BBS4: variants seen among roughly 807,000 people sequenced by gnomAD.
The protein encoded by BBS4 is BBSome complex member BBS4.
A neutral mutation model predicts 71.4 loss-of-function variants in BBS4; 58 were observed. The ratio of observed to expected loss-of-function variants is 0.81; its 90% CI spans 0.66 to 1.01. The LOEUF (loss-of-function observed/expected upper bound fraction) is 1.01. Among genes scored for constraint, BBS4 ranks in the 50% least tolerant of loss-of-function variants. BBS4 has a pLI of 0.00. For missense variants in BBS4, 660 were observed against 607.9 expected (o/e 1.09, Z -0.90); for synonymous variants, 228 against 216.8 (o/e 1.05, Z -0.46).
chr15:72,718,782 A>C (rs553166776), intron 6 of BBS4, among the ~76,000 whole-genome samples: 2 of 152,322 alleles, frequency 1.3e-5, no homozygotes, highest in Admixed American at 6.5e-5. Context: ...ATAGGAAATG[A>C]AGGAAGAAGA....
At chr15:72,691,898 G>A (rs1418705354) in intron 1 of BBS4, among the ~76,000 whole-genome samples, 5 of 150,818 alleles carry the variant, frequency 3.3e-5, no homozygotes, top group African/African-American at 1.2e-4. Flanking sequence ...AGGAGGCGGA[G>A]GTTGCAGTGA....
intron 6 of BBS4, chr15:72,717,166 G>C (rs1002352219): frequency 3.1e-6 from 1 of 323,242 alleles, no homozygotes; most frequent in Admixed American, 4.7e-5. Context: ...GCATCTAGTT[G>C]TGTTTCATGT....
chr15:72,722,141 C>A (rs1294311185), intron 6 of BBS4, among the ~76,000 whole-genome samples: 4 of 152,144 alleles, frequency 2.6e-5, no homozygotes, highest in African/African-American at 9.7e-5. Context: ...GTCTGTGTTC[C>A]AATGAATCTG....
rs895430414 is a variant in BBS4 at position 72,738,232 on chromosome 15, C to T, written c.*645C>T. 2 of 453,794 alleles carry T rather than the reference C, an allele frequency of 4.4e-6. No individual in the cohort carries two copies. The highest frequency in any genetic ancestry group is 2.4e-5 in the Admixed American group (1 of 42,500). The allele number at this position is 453,794 out of a possible 1,614,324, so 28.1% of individuals were successfully genotyped here. A position where few individuals can be genotyped will look rare whatever the true frequency, so the allele number is the denominator to read the frequency against. On this transcript the variant is annotated 3_prime_UTR_variant, in exon 16 of 16. Transcript: ENST00000268057. ...GGTCAGTCTAGAAGCTAGATCCTAT[C>T]AGGATGAGGAGCAGCAGCCCAGGGC... is the stretch of plus-strand genomic sequence containing the variant.
At position 72,727,979 on chromosome 15, in the gene BBS4, A is replaced by G; in HGVS notation, c.627A>G (p.Gly209=). Residue 209 remains glycine, a synonymous_variant, in exon 9 of 16, where the codon GGA becomes GGG. Transcript: ENST00000268057. The part of the protein sequence containing the change: ...PENTELLTTL[G]LLYLQLGIYQ... The stretch of plus-strand genomic sequence containing the variant: ...ATACAGAGCTTCTTACAACTTTAGG[A>G]TTACTCTACTTACAGGTAATGAAAA... The G allele has an allele frequency of 6.2e-7, 1 of 1,612,350 alleles. No homozygotes were observed. Among genetic ancestry groups the G allele is most frequent in the Non-Finnish European group, 8.5e-7 (1 of 1,178,450 alleles).
chr15:72,716,357 TTCTC>T (rs1170752992), intron 5 of BBS4, among the ~76,000 whole-genome samples: 3 of 152,234 alleles, frequency 2.0e-5, no homozygotes, highest in East Asian at 3.8e-4. Context: ...TTTTCCCTGT[TTCTC>T]TCTAAACTCA....
Position 72,686,257 on chromosome 15 carries a change from C to T in BBS4, c.24+6C>T, listed in dbSNP as rs1427489194. The T allele has an allele frequency of 2.4e-5, 38 of 1,564,710 alleles. No individual in the cohort carries two copies. In the Admixed American group the frequency reaches 4.5e-4, roughly 19 times the overall value. ...CTGAGGAGAGAGTCGCGACGGTGAG[C>T]GCCGAGATTCTCTTTAGTTGCCCGG... On this transcript the variant is annotated splice_donor_region_variant and intron_variant, in intron 1 of 15. Coordinates refer to ENST00000268057, the MANE Select transcript of BBS4 (RefSeq NM_033028.5).
intron 4 of BBS4, among the ~76,000 whole-genome samples, chr15:72,714,230 T>TC (rs2065428615): frequency 6.9e-6 from 1 of 145,588 alleles, no homozygotes; most frequent in African/African-American, 2.5e-5. Flanking sequence ...CTTTTTTTTT[T>TC]TTTTTTTTTT....
intron 3 of BBS4, among the ~76,000 whole-genome samples, chr15:72,710,373 T>A (rs1376378681): frequency 1.3e-5 from 2 of 151,824 alleles, no homozygotes; most frequent in Non-Finnish European, 2.9e-5. Context: ...GCTAATTTTT[T>A]GTATTTTTAG....
intron 6 of BBS4, 50 bp from the exon 7 acceptor site, chr15:72,722,740 ATACT>A (rs1487338652): frequency 2.0e-6 from 3 of 1,516,058 alleles, no homozygotes; most frequent in Non-Finnish European, 2.7e-6. Flanking sequence ...TTTCACTCTA[ATACT>A]TACTGTGGAA....
At chr15:72,691,450 G>A (rs1016651542) in intron 1 of BBS4, among the ~76,000 whole-genome samples, 2 of 151,920 alleles carry the variant, frequency 1.3e-5, no homozygotes, top group Non-Finnish European at 2.9e-5. Context: ...CACATCAGAT[G>A]TAGTGTTTCT....
At chr15:72,708,607 G>A (rs542845619) in intron 2 of BBS4, among the ~76,000 whole-genome samples, 1 of 152,262 alleles carries the variant, frequency 6.6e-6, no homozygotes, top group Non-Finnish European at 1.5e-5. Flanking sequence ...CAACCATAAG[G>A]TCTGACTGCC....
At chr15:72,714,067 G>A (rs1044994476) in intron 4 of BBS4, among the ~76,000 whole-genome samples, 1 of 152,102 alleles carries the variant, frequency 6.6e-6, no homozygotes, top group Non-Finnish European at 1.5e-5. Flanking sequence ...GCTTTTGGAA[G>A]GATTGCTTGT....
At chr15:72,720,123 G>A (rs1041786205) in intron 6 of BBS4, among the ~76,000 whole-genome samples, 1 of 150,040 alleles carries the variant, frequency 6.7e-6, no homozygotes, top group Non-Finnish European at 1.5e-5. Flanking sequence ...ATATTTTAAT[G>A]ATTTTGAATT....
intron 1 of BBS4, 77 bp downstream of exon 1, chr15:72,686,328 G>A (rs770562491): frequency 6.5e-7 from 1 of 1,546,852 alleles, no homozygotes; most frequent in South Asian, 1.2e-5. Context: ...CCCATGCAGC[G>A]GTTCCTGGAG....
intron 6 of BBS4, among the ~76,000 whole-genome samples, chr15:72,717,861 C>CG (rs34400686): frequency 1.3e-5 from 2 of 151,996 alleles, no homozygotes; most frequent in African/African-American, 4.8e-5. Context: ...GTGTGTGGTG[C>CG]GGGGGGGTAC....
chr15:72,711,299 C>T (rs2065367034), intron 3 of BBS4, among the ~76,000 whole-genome samples: 1 of 151,946 alleles, frequency 6.6e-6, no homozygotes, highest in Admixed American at 6.6e-5. Flanking sequence ...AGGCATGTGC[C>T]ACCACGCCTG....
At position 72,728,128 on chromosome 15, in the gene BBS4, A is replaced by G. The variant is rs2065738310; in HGVS notation, c.642+134A>G. On this transcript the variant is annotated intron_variant, in intron 9 of 15. Coordinates refer to ENST00000268057, the MANE Select transcript of BBS4 (RefSeq NM_033028.5). ...AAAGTTCATGAACTACACTCTCTCTATTCGATACTCTTTGCTAAAGGAATT... is the reference window on the plus strand; with the variant it reads ...AAAGTTCATGAACTACACTCTCTCTGTTCGATACTCTTTGCTAAAGGAATT... The G allele has an allele frequency of 5.9e-6, 4 of 677,494 alleles. 1 individual carries two copies. In the South Asian group the frequency reaches 6.6e-5, roughly 11 times the overall value. 42.0% of individuals were successfully genotyped at this position (677,494 alleles called of 1,614,324 possible). A position where few individuals can be genotyped will look rare whatever the true frequency, so the allele number is the denominator to read the frequency against.
At chr15:72,708,411 T>C (rs1466056738) in intron 2 of BBS4, among the ~76,000 whole-genome samples, 1 of 152,224 alleles carries the variant, frequency 6.6e-6, no homozygotes, top group East Asian at 1.9e-4. Context: ...AATATTCTTA[T>C]AATTTCTTAC....
Sources: allele counts gnomAD v4.1 joint callset (sites outside exome capture counted in the v4.1 genomes callset), GRCh38; gene constraint gnomAD v4.1.1; transcripts MANE v1.5; gene names NCBI Gene and HGNC (gene_info 2026-07-23, HGNC 2026-07-21).